MAPK8IP3: variants seen among roughly 807,000 people sequenced by gnomAD.
MAPK8IP3 encodes mitogen-activated protein kinase 8 interacting protein 3.
MAPK8IP3 carries 49 observed loss-of-function variants against 157.8 expected under a neutral mutation model. That is an observed-to-expected ratio of 0.31 (90% CI 0.25 to 0.39). The LOEUF (loss-of-function observed/expected upper bound fraction) is 0.39. MAPK8IP3 is among the 10% of genes least tolerant of loss of function. The probability of loss-of-function intolerance (pLI) is 1.00; values close to 1 mark genes in which losing one functional copy is unlikely to be tolerated. For synonymous variants in MAPK8IP3, 897 were observed against 777.7 expected, an observed-to-expected ratio of 1.15 and a Z score of -2.55; for missense variants, 1,478 against 1,889.4, an observed-to-expected ratio of 0.78 and a Z score of 4.04.
chr16:1,709,400 C>T lies in MAPK8IP3; in HGVS notation c.318+2743C>T, dbSNP rs115132901. 2.5e-3 allele frequency among the ~76,000 whole-genome samples: 382 copies of T among 152,336 alleles called. 1 individual carries two copies. The highest frequency in any genetic ancestry group is 7.7e-3 in the African/African-American group (320 of 41,580). The stretch of plus-strand genomic sequence containing the variant: ...TCCCCTCGCTGGGCTGCAGTGGCCG[C>T]GGACTTTGCAAGTCAGTTTCATCTC... On this transcript the variant is annotated intron_variant, in intron 1 of 31. Coordinates refer to ENST00000610761, the MANE Select transcript of MAPK8IP3 (RefSeq NM_001318852.2).
intron 10 of MAPK8IP3, among the ~76,000 whole-genome samples, chr16:1,759,562 CGTG>C (rs2041817631): frequency 6.6e-6 from 1 of 152,198 alleles, no homozygotes; most frequent in Non-Finnish European, 1.5e-5. Context: ...CTGGCCCTGC[CGTG>C]AGGGCCAGGC....
At chr16:1,749,075 G>T (rs150886727) in intron 8 of MAPK8IP3, among the ~76,000 whole-genome samples, 139 of 152,316 alleles carry the variant, frequency 9.1e-4, no homozygotes, top group Non-Finnish European at 1.8e-3. Flanking sequence ...CAGGAAAAAA[G>T]TGTACACGTC....
At position 1,769,026 on chromosome 16, in the gene MAPK8IP3, A is replaced by T. The variant is rs186153543; in HGVS notation, c.*202A>T. 242 of 613,054 alleles carry T rather than the reference A, an allele frequency of 3.9e-4. No individual in the cohort carries two copies. The African/African-American group carries it at 4.2e-3, about 11-fold the overall frequency. 38.0% of individuals were successfully genotyped at this position (613,054 alleles called of 1,614,324 possible). On this transcript the variant is annotated 3_prime_UTR_variant, in exon 32 of 32. Coordinates refer to ENST00000610761, the MANE Select transcript of MAPK8IP3 (RefSeq NM_001318852.2). Reference sequence around the variant, plus strand: ...GGAGGAGGAGGGGAGGGGAACTTCCACCCGAGGGGAAGATGCTCTCGGGAC... The same window carrying T: ...GGAGGAGGAGGGGAGGGGAACTTCCTCCCGAGGGGAAGATGCTCTCGGGAC...
intron 2 of MAPK8IP3, among the ~76,000 whole-genome samples, chr16:1,725,906 C>T (rs2038847369): frequency 6.6e-6 from 1 of 152,114 alleles, no homozygotes; most frequent in Non-Finnish European, 1.5e-5. Flanking sequence ...ACTGTGTTAG[C>T]CAGGATGGTC....
chr16:1,725,727 C>T (rs1020576497), intron 2 of MAPK8IP3, among the ~76,000 whole-genome samples: 1 of 152,044 alleles, frequency 6.6e-6, no homozygotes, highest in Non-Finnish European at 1.5e-5. Flanking sequence ...GACAGAGTTT[C>T]GCTGTTTTTG....
At chr16:1,759,880 T>C in intron 10 of MAPK8IP3, 78 bp from the exon 11 acceptor site, 1 of 1,287,354 alleles carries the variant, frequency 7.8e-7, no homozygotes, top group Non-Finnish European at 1.1e-6. Context: ...GGAAGCGTTG[T>C]TGCCCTGAGG....
chr16:1,714,412 T>TA (rs1437613938), intron 1 of MAPK8IP3, among the ~76,000 whole-genome samples: 1 of 152,240 alleles, frequency 6.6e-6, no homozygotes, highest in East Asian at 1.9e-4. Context: ...GAGCCACTGT[T>TA]ACGGCAAGAG....
intron 8 of MAPK8IP3, among the ~76,000 whole-genome samples, chr16:1,754,392 G>A (rs1028335969): frequency 2.0e-5 from 3 of 152,164 alleles, no homozygotes; most frequent in South Asian, 2.1e-4. Context: ...TGGAATCCAC[G>A]CAGCTGATCT....
chr16:1,744,991 C>G, intron 5 of MAPK8IP3: 1 of 985,248 alleles, frequency 1.0e-6, no homozygotes, highest in South Asian at 4.7e-5. Context: ...TTTAACCAAA[C>G]AGTTGTGGCT....
intron 4 of MAPK8IP3, among the ~76,000 whole-genome samples, chr16:1,737,364 C>T (rs1369958992): frequency 2.6e-5 from 2 of 75,894 alleles, no homozygotes; most frequent in Admixed American, 3.2e-4. Context: ...GAGTGTGTGA[C>T]CGTCCGTGTG....
In MAPK8IP3 at chr16:1,768,320, G is replaced by A; in HGVS notation, c.3684G>A (p.Gln1228=). 1 of 1,608,804 alleles carries A rather than the reference G, an allele frequency of 6.2e-7. No homozygotes were observed. The highest frequency in any genetic ancestry group is 8.5e-7 in the Non-Finnish European group (1 of 1,179,954). ...TCATCCCCTACTGCTCCATGGCCCA[G>A]GCCCAGCTATGCTTCCATGGGCACC... ...SSFIPYCSMA[Q]AQLCFHGHRD... The change falls in exon 30 of 32, where the codon CAG becomes CAA. Residue 1228 remains glutamine, a synonymous_variant. Coordinates refer to ENST00000610761, the MANE Select transcript of MAPK8IP3 (RefSeq NM_001318852.2).
At chr16:1,725,960 A>G (rs1238367738) in intron 2 of MAPK8IP3, among the ~76,000 whole-genome samples, 2 of 152,244 alleles carry the variant, frequency 1.3e-5, no homozygotes, top group African/African-American at 4.8e-5. Flanking sequence ...CTGGGATTAC[A>G]GGCGCGAGCC....
intron 8 of MAPK8IP3, among the ~76,000 whole-genome samples, chr16:1,754,173 C>CAA (rs11296984): frequency 1.6e-5 from 2 of 123,524 alleles, no homozygotes; most frequent in African/African-American, 2.9e-5. Context: ...AACTCTGTCT[C>CAA]AAAAAAAAAA....
intron 13 of MAPK8IP3, 140 bp downstream of exon 13, chr16:1,761,445 C>T (rs1250120845): frequency 2.8e-6 from 2 of 705,822 alleles, no homozygotes; most frequent in Non-Finnish European, 5.0e-6. Context: ...TCACCATTCA[C>T]AGGCAGAGCG....
At chr16:1,750,448 G>A (rs554858231) in intron 8 of MAPK8IP3, among the ~76,000 whole-genome samples, 11 of 152,142 alleles carry the variant, frequency 7.2e-5, no homozygotes, top group East Asian at 1.9e-4. Flanking sequence ...CCTGACCTCC[G>A]GTGATCCACC....
At chr16:1,734,017 G>C (rs895182891) in intron 4 of MAPK8IP3, among the ~76,000 whole-genome samples, 2 of 152,220 alleles carry the variant, frequency 1.3e-5, no homozygotes, top group African/African-American at 4.8e-5. Flanking sequence ...CTCCATTTGT[G>C]AAACAGGACC....
intron 4 of MAPK8IP3, among the ~76,000 whole-genome samples, chr16:1,739,621 TCCGTGTGAGCTTCCGTGTGACC>T (rs1160472516): frequency 5.1e-5 from 7 of 136,082 alleles, no homozygotes; most frequent in East Asian, 2.3e-4. Flanking sequence ...CGTGTGACCG[TCCGTGTGAGCTTCCGTGTGACC>T]GTCCGTGTGA....
chr16:1,747,130 G>A lies in MAPK8IP3; in HGVS notation c.849G>A (p.Ser283=), dbSNP rs1012688590. The A allele has an allele frequency of 1.1e-5, 18 of 1,613,780 alleles. No individual in the cohort carries two copies. The African/African-American group carries it at 1.6e-4, about 14-fold the overall frequency. ...KSNTPTSSVP[S]AAVTPLNESL... is the part of the protein sequence containing the mutation. The stretch of plus-strand genomic sequence containing the variant: ...ACACGCCCACATCCTCCGTGCCCTC[G>A]GCCGCCGTCACACCCCTCAACGAGA... Residue 283 remains serine (S), a synonymous_variant, in exon 6 of 32, where the codon TCG becomes TCA. Coordinates refer to ENST00000610761, the MANE Select transcript of MAPK8IP3 (RefSeq NM_001318852.2).
At position 1,751,996 on chromosome 16, in the gene MAPK8IP3, C is replaced by T. The variant is rs1049058391; in HGVS notation, c.1216+3276C>T. 5 of 152,322 alleles carry T rather than the reference C, an allele frequency of 3.3e-5. No individual in the cohort carries two copies. The highest frequency in any genetic ancestry group is 1.2e-4 in the African/African-American group (5 of 41,416). 9.4% of individuals were successfully genotyped at this position (152,322 alleles called of 1,614,324 possible). On this transcript the variant is annotated intron_variant, in intron 8 of 31. Transcript: ENST00000610761. The surrounding 1 kb of genome is among the most constrained non-coding windows in gnomAD (Gnocchi z 5.0). ...CCTTTGGGAGGCTGTGAATCGTGCT[C>T]CAGCCACACTCTGACCCCCGCCCGG...
Sources: allele counts gnomAD v4.1 joint callset (sites outside exome capture counted in the v4.1 genomes callset), GRCh38; gene constraint gnomAD v4.1.1; non-coding constraint Gnocchi (gnomAD v3.1); transcripts MANE v1.5; gene names NCBI Gene and HGNC (gene_info 2026-07-23, HGNC 2026-07-21).